Variants in ZNF644 observed in about 807,000 individuals in gnomAD.
ZNF644 encodes the protein zinc finger protein 644.
In ZNF644, 20 loss-of-function variants were observed where a neutral mutation model predicts 108.0. The ratio of observed to expected loss-of-function variants is 0.19; its 90% CI spans 0.13 to 0.27. The LOEUF (loss-of-function observed/expected upper bound fraction) is 0.27. Among genes scored for constraint, ZNF644 ranks in the 10% least tolerant of loss-of-function variants. The pLI is 1.00. For synonymous variants in ZNF644, 542 were observed against 539.1 expected (o/e 1.01, Z -0.08); for missense variants, 1,338 against 1,548.9 (o/e 0.86, Z 2.29).
chr1:90,922,705 G>A (rs1488939984), intron 4 of ZNF644, among the ~76,000 whole-genome samples: 2 of 152,032 alleles, frequency 1.3e-5, no homozygotes, highest in African/African-American at 4.8e-5. Context: ...CACAGTACCT[G>A]ATAGGTAGTT....
intron 5 of ZNF644, among the ~76,000 whole-genome samples, chr1:90,917,285 T>C (rs1054617869): frequency 1.3e-5 from 2 of 152,188 alleles, no homozygotes; most frequent in Non-Finnish European, 2.9e-5. Context: ...AATATGTCAT[T>C]CTTTAGAAAA....
intron 2 of ZNF644, among the ~76,000 whole-genome samples, chr1:90,981,430 T>C (rs1179277269): frequency 1.3e-5 from 2 of 151,990 alleles, no homozygotes; most frequent in Non-Finnish European, 2.9e-5. Flanking sequence ...CTGACTGAGA[T>C]TTCCTTCAGT....
At chr1:90,965,068 G>C (rs959272459) in intron 2 of ZNF644, among the ~76,000 whole-genome samples, 2 of 152,158 alleles carry the variant, frequency 1.3e-5, no homozygotes, top group Non-Finnish European at 2.9e-5. Flanking sequence ...GGAGTGAGGA[G>C]AGTAAGTTTT....
intron 2 of ZNF644, among the ~76,000 whole-genome samples, chr1:90,948,722 C>G (rs992667820): frequency 3.3e-5 from 5 of 152,288 alleles, no homozygotes; most frequent in African/African-American, 1.2e-4. Flanking sequence ...CTGCACAGTT[C>G]AAGCTCATGT....
At chr1:91,013,660 CTA>C (rs1344516323) in intron 1 of ZNF644, among the ~76,000 whole-genome samples, 9 of 152,188 alleles carry the variant, frequency 5.9e-5, no homozygotes, top group African/African-American at 1.9e-4. Context: ...AGTTCAATTT[CTA>C]TGTTATTCTT....
chr1:90,956,195 G>C (rs1487033839), intron 2 of ZNF644, among the ~76,000 whole-genome samples: 1 of 152,136 alleles, frequency 6.6e-6, no homozygotes, highest in African/African-American at 2.4e-5. Context: ...AATTACAATA[G>C]AAACACTGAA....
rs1651313809 is a variant in ZNF644 at position 90,936,331 on chromosome 1, C to T, written c.3688+1154G>A. Among the ~76,000 whole-genome samples, 3 of 152,156 alleles carry T rather than the reference C, an allele frequency of 2.0e-5. No individual in the cohort carries two copies. In the South Asian group the frequency reaches 6.2e-4, roughly 32 times the overall value. On this transcript the variant is annotated intron_variant, in intron 4 of 5. Transcript: ENST00000337393. The stretch of plus-strand genomic sequence containing the variant: ...CTGAAGTATACTACCCCTTGGTCAA[C>T]ACAGCTAACACATCTTCCCTGCGTT...
chr1:90,978,384 C>T (rs1656218199), intron 2 of ZNF644, among the ~76,000 whole-genome samples: 1 of 150,722 alleles, frequency 6.6e-6, no homozygotes, highest in Non-Finnish European at 1.5e-5. Context: ...ATACTAAATA[C>T]TAACTGTTAC....
intron 1 of ZNF644, among the ~76,000 whole-genome samples, chr1:91,015,141 C>T (rs1234886461): frequency 6.6e-6 from 1 of 152,038 alleles, no homozygotes. Flanking sequence ...ATACTAGTAC[C>T]CCTCCTCAAA....
intron 2 of ZNF644, among the ~76,000 whole-genome samples, chr1:90,961,571 T>C (rs1319697693): frequency 6.6e-6 from 1 of 152,150 alleles, no homozygotes; most frequent in African/African-American, 2.4e-5. Flanking sequence ...CTGAAGCAAG[T>C]ATAAGAATCC....
At chr1:91,006,862 T>C (rs1207818744) in intron 1 of ZNF644, among the ~76,000 whole-genome samples, 2 of 152,296 alleles carry the variant, frequency 1.3e-5, no homozygotes, top group Admixed American at 6.5e-5. Context: ...CCTGATATAG[T>C]ACTTTTGAAG....
chr1:90,948,858 T>A (rs896458549), intron 2 of ZNF644, among the ~76,000 whole-genome samples: 11 of 152,200 alleles, frequency 7.2e-5, no homozygotes, highest in African/African-American at 1.2e-4. Flanking sequence ...CCTCAGTAAT[T>A]AAGTTTTTCA....
At chr1:91,007,225 G>GTTTTTTTTTTTTTTTTTTTT (rs35761791) in intron 1 of ZNF644, among the ~76,000 whole-genome samples, 1 of 55,998 alleles carries the variant, frequency 1.8e-5, no homozygotes, top group East Asian at 5.8e-4. Context: ...CTCCCATTTT[G>GTTTTTTTTTTTTTTTTTTTT]TTTTTTTTTT....
In ZNF644 at chr1:90,941,324, A is replaced by G. The variant is rs764712514; in HGVS notation, c.45-15T>C. 6.3e-7 allele frequency: 1 copy of G among 1,593,342 alleles called. No homozygotes were observed. The highest frequency in any genetic ancestry group is 1.8e-5 in the Admixed American group (1 of 54,794). ...ACACATTTAGTCTAGAAAATGGAAA[A>G]AAAAAATTTAGATTTGCATGAAAGA... On this transcript the variant is annotated splice_polypyrimidine_tract_variant and intron_variant, in intron 2 of 5. Transcript: ENST00000337393.
chr1:91,019,415 TAATTTTTC>T lies in ZNF644; in HGVS notation c.-18+2567_-18+2574del, dbSNP rs572011473. Among the ~76,000 whole-genome samples, 18 of 152,354 alleles carry T rather than the reference TAATTTTTC, an allele frequency of 1.2e-4. No homozygotes were observed. In the South Asian group the frequency reaches 2.9e-3, roughly 25 times the overall value. On this transcript the variant is annotated intron_variant, in intron 1 of 5. Coordinates refer to ENST00000337393, the MANE Select transcript of ZNF644 (RefSeq NM_201269.3). ...TATCAAGTCCCTGGTTGTTGTTTTT[TAATTTTTC>T]AATTTCTGGGTCAAGACTGCATTTG...
intron 1 of ZNF644, among the ~76,000 whole-genome samples, chr1:90,990,951 G>A (rs1161912285): frequency 2.6e-5 from 4 of 152,078 alleles, no homozygotes; most frequent in South Asian, 2.1e-4. Flanking sequence ...GAACTTTTGC[G>A]GGTGATGAAT....
chr1:90,962,441 T>C (rs1259549292), intron 2 of ZNF644, among the ~76,000 whole-genome samples: 3 of 152,050 alleles, frequency 2.0e-5, no homozygotes. Context: ...ATATAAAACA[T>C]ACATTCACAT....
At chr1:90,943,789 A>G (rs1192535364) in intron 2 of ZNF644, among the ~76,000 whole-genome samples, 1 of 147,224 alleles carries the variant, frequency 6.8e-6, no homozygotes, top group African/African-American at 2.7e-5. Flanking sequence ...GCACATAAAC[A>G]TGTGTTAGGA....
intron 1 of ZNF644, among the ~76,000 whole-genome samples, chr1:90,989,395 T>C (rs1657416632): frequency 6.6e-6 from 1 of 151,666 alleles, no homozygotes; most frequent in Admixed American, 6.6e-5. Context: ...CTAAAAAAAA[T>C]AAATAGGTGT....
Sources: gnomAD v4.1 joint callset for allele counts (sites outside exome capture counted in the v4.1 genomes callset) on GRCh38, gnomAD v4.1.1 for gene constraint, MANE v1.5 for transcripts, NCBI Gene and HGNC (gene_info 2026-07-23, HGNC 2026-07-21) for gene names.